The following PCDH9 variants were observed in gnomAD, a reference collection of about 807,000 sequenced individuals.
PCDH9 encodes protocadherin-9.
In PCDH9, 24 loss-of-function variants were observed where a neutral mutation model predicts 70.6. The ratio of observed to expected loss-of-function variants is 0.34; its 90% CI spans 0.25 to 0.48. The LOEUF is 0.48. Ranked by LOEUF, PCDH9 falls within the 20% of genes least tolerant of loss-of-function variation. The probability of loss-of-function intolerance (pLI) is 0.99; values close to 1 mark genes in which losing one functional copy is unlikely to be tolerated. For missense variants in PCDH9, 1,281 were observed against 1,503.6 expected (o/e 0.85, Z 2.45); for synonymous variants, 562 against 558.5 (o/e 1.01, Z -0.09).
Position 66,604,822 on chromosome 13 carries a change from C to G in PCDH9, c.3340+26388G>C, listed in dbSNP as rs1284023601. On this transcript the variant is annotated intron_variant, in intron 4 of 4. Coordinates refer to ENST00000377865, the MANE Select transcript of PCDH9 (RefSeq NM_203487.3). ...ATACTTTTTATGTTTTTATGTATAACTTTTCCCAACGAGATCTCTGCTGGT... is the reference window on the plus strand; with the variant it reads ...ATACTTTTTATGTTTTTATGTATAAGTTTTCCCAACGAGATCTCTGCTGGT... 2.0e-5 allele frequency among the ~76,000 whole-genome samples: 3 copies of G among 151,768 alleles called. No homozygotes were observed. In the East Asian group the frequency reaches 5.8e-4, roughly 29 times the overall value.
At chr13:66,400,314 C>G (rs73205681) in intron 4 of PCDH9, among the ~76,000 whole-genome samples, 12,640 of 152,170 alleles carry the variant, frequency 0.083, 594 homozygotes, top group Middle Eastern at 0.13. Flanking sequence ...GAGTATCATT[C>G]TTAGGCAAGG....
intron 3 of PCDH9, among the ~76,000 whole-genome samples, chr13:66,892,167 A>G (rs2139569146): frequency 6.7e-6 from 1 of 148,648 alleles, no homozygotes; most frequent in South Asian, 2.1e-4. Flanking sequence ...GTGTGTGTAT[A>G]CTCCTCATTG....
At chr13:66,991,288 T>C (rs1180773374) in intron 2 of PCDH9, among the ~76,000 whole-genome samples, 5 of 152,044 alleles carry the variant, frequency 3.3e-5, no homozygotes, top group Non-Finnish European at 7.4e-5. Context: ...GAGACACATT[T>C]TTTTTTTCCA....
At chr13:66,540,555 C>A (rs1960911651) in intron 4 of PCDH9, among the ~76,000 whole-genome samples, 1 of 152,154 alleles carries the variant, frequency 6.6e-6, no homozygotes, top group Non-Finnish European at 1.5e-5. Context: ...CCACCCAAGA[C>A]ACAATTAAAA....
intron 3 of PCDH9, among the ~76,000 whole-genome samples, chr13:66,814,948 A>G (rs2080575102): frequency 6.6e-6 from 1 of 152,160 alleles, no homozygotes. Flanking sequence ...ATAGCAGAAG[A>G]AACTACGAAC....
chr13:66,722,987 G>T (rs1016640812), intron 3 of PCDH9, among the ~76,000 whole-genome samples: 1 of 144,094 alleles, frequency 6.9e-6, no homozygotes. Flanking sequence ...AAAAAAAAAA[G>T]TGATGATAAA....
At chr13:67,192,441 A>T (rs559415174) in intron 2 of PCDH9, among the ~76,000 whole-genome samples, 1 of 152,326 alleles carries the variant, frequency 6.6e-6, no homozygotes, top group East Asian at 1.9e-4. Context: ...CCATTTCTAT[A>T]GCACTTTTTG....
intron 4 of PCDH9, among the ~76,000 whole-genome samples, chr13:66,522,962 A>G (rs911428845): frequency 1.3e-5 from 2 of 152,152 alleles, no homozygotes; most frequent in Non-Finnish European, 2.9e-5. Context: ...GCTAGCAAAT[A>G]ATATAATATC....
chr13:66,853,908 A>C (rs1375731039), intron 3 of PCDH9, among the ~76,000 whole-genome samples: 2 of 152,156 alleles, frequency 1.3e-5, no homozygotes, highest in Non-Finnish European at 2.9e-5. Context: ...TACATTGAGA[A>C]AACTATGAAA....
intron 3 of PCDH9, among the ~76,000 whole-genome samples, chr13:66,730,876 G>GTGTGT (rs1555262846): frequency 1.1e-4 from 5 of 46,358 alleles, no homozygotes; most frequent in African/African-American, 2.3e-4. Context: ...GTGTGTGTGT[G>GTGTGT]TTTTTTTTTT....
intron 3 of PCDH9, among the ~76,000 whole-genome samples, chr13:66,736,855 A>G (rs1278828056): frequency 6.6e-6 from 1 of 152,184 alleles, no homozygotes; most frequent in Non-Finnish European, 1.5e-5. Context: ...CTCTCTTCAT[A>G]AAGACTTAAC....
intron 2 of PCDH9, among the ~76,000 whole-genome samples, chr13:66,980,728 T>TTG (rs1210053400): frequency 3.7e-5 from 4 of 108,250 alleles, no homozygotes; most frequent in African/African-American, 1.1e-4. Context: ...GTTTTTTTCT[T>TTG]TGTTTTTTTT....
chr13:67,083,871 T>C (rs1025765753), intron 2 of PCDH9, among the ~76,000 whole-genome samples: 2 of 152,182 alleles, frequency 1.3e-5, no homozygotes, highest in African/African-American at 4.8e-5. Flanking sequence ...GGATTTTCAG[T>C]GTGTTTTAAT....
intron 4 of PCDH9, among the ~76,000 whole-genome samples, chr13:66,317,001 GT>G (rs1212940988): frequency 6.6e-6 from 1 of 152,082 alleles, no homozygotes; most frequent in Non-Finnish European, 1.5e-5. Context: ...GGGATTATAG[GT>G]GCCAGCCACT....
chr13:66,742,030 G>A (rs1314295565), intron 3 of PCDH9, among the ~76,000 whole-genome samples: 2 of 110,602 alleles, frequency 1.8e-5, no homozygotes, highest in East Asian at 3.3e-4. Context: ...AGCCCGCATT[G>A]CCAAGTCAAT....
At chr13:66,554,515 C>T (rs1566412461) in intron 4 of PCDH9, among the ~76,000 whole-genome samples, 1 of 151,936 alleles carries the variant, frequency 6.6e-6, no homozygotes, top group Non-Finnish European at 1.5e-5. Flanking sequence ...TATAAATATA[C>T]TATGAAATAT....
intron 4 of PCDH9, among the ~76,000 whole-genome samples, chr13:66,567,542 A>G (rs749075916): frequency 1.3e-5 from 2 of 152,190 alleles, no homozygotes; most frequent in South Asian, 2.1e-4. Context: ...AACAAATGAT[A>G]TTACAATGCA....
chr13:66,660,197 G>A (rs1053671978), intron 3 of PCDH9, among the ~76,000 whole-genome samples: 1 of 152,100 alleles, frequency 6.6e-6, no homozygotes, highest in South Asian at 2.1e-4. Flanking sequence ...GGAAATGTGA[G>A]GCCATTTATT....
chr13:66,873,462 C>G (rs2081736205), intron 3 of PCDH9, among the ~76,000 whole-genome samples: 1 of 152,124 alleles, frequency 6.6e-6, no homozygotes, highest in Non-Finnish European at 1.5e-5. Flanking sequence ...ACGAGAAGCT[C>G]TTTACTCACC....
Sources: allele counts gnomAD v4.1 joint callset (sites outside exome capture counted in the v4.1 genomes callset), GRCh38; gene constraint gnomAD v4.1.1; transcripts MANE v1.5; gene names NCBI Gene and HGNC (gene_info 2026-07-23, HGNC 2026-07-21).